The following LSAMP variants were observed in gnomAD, a reference collection of about 807,000 sequenced individuals.
LSAMP encodes the protein limbic system-associated membrane protein.
LSAMP carries 7 observed loss-of-function variants against 38.6 expected under a neutral mutation model. That is an observed-to-expected ratio of 0.18 (90% CI 0.10 to 0.34). The LOEUF (loss-of-function observed/expected upper bound fraction) is 0.34, where lower values mean the gene tolerates loss of function less well. Ranked by LOEUF, LSAMP falls within the 10% of genes least tolerant of loss-of-function variation. The pLI, the probability that LSAMP is intolerant of heterozygous loss-of-function variation, is 1.00. For synonymous variants in LSAMP, 154 were observed against 166.8 expected, an observed-to-expected ratio of 0.92 and a Z score of 0.59; for missense variants, 313 against 420.0, an observed-to-expected ratio of 0.75 and a Z score of 2.23.
intron 1 of LSAMP, among the ~76,000 whole-genome samples, chr3:116,444,294 T>C (rs1305974782): frequency 6.6e-6 from 1 of 151,864 alleles, no homozygotes; most frequent in African/African-American, 2.4e-5. Context: ...CCATGTCAAT[T>C]AGAAGATCCT....
chr3:116,230,839 T>C (rs899224643), intron 1 of LSAMP, among the ~76,000 whole-genome samples: 1 of 152,014 alleles, frequency 6.6e-6, no homozygotes, highest in South Asian at 2.1e-4. Flanking sequence ...TAAAAATTAA[T>C]TAAAATGAGA....
intron 1 of LSAMP, among the ~76,000 whole-genome samples, chr3:116,087,703 C>T (rs145979159): frequency 2.8e-4 from 42 of 152,136 alleles, no homozygotes; most frequent in Middle Eastern, 6.8e-3. Context: ...TATCTCAGGT[C>T]AAAACAACTA....
In LSAMP at chr3:115,808,217, CCAGTTA is replaced by C. The variant is rs960914079; in HGVS notation, c.*2094_*2099del. The C allele has an allele frequency of 6.9e-6, 1 of 144,396 alleles. No homozygotes were observed. Among genetic ancestry groups the C allele is most frequent in the African/African-American group, 2.6e-5 (1 of 39,078 alleles). The allele number at this position is 144,396 out of a possible 1,614,324, so 8.9% of individuals were successfully genotyped here. ...CCTTCCTTCTTTCCTTTCTTTTTTT[CCAGTTA>C]CAAAGTTTCTCATTTTATAACATGG... On this transcript the variant is annotated 3_prime_UTR_variant, in exon 7 of 7. Transcript: ENST00000490035.
At chr3:116,287,079 T>C (rs1034941700) in intron 1 of LSAMP, among the ~76,000 whole-genome samples, 2 of 152,246 alleles carry the variant, frequency 1.3e-5, no homozygotes, top group East Asian at 3.9e-4. Flanking sequence ...TGGATGAAGT[T>C]GGTAGCGCTT....
chr3:116,031,038 A>T (rs914604295), intron 2 of LSAMP, among the ~76,000 whole-genome samples: 1 of 152,168 alleles, frequency 6.6e-6, no homozygotes, highest in Non-Finnish European at 1.5e-5. Flanking sequence ...GAAAAAATTG[A>T]ATGTGAGGAA....
intron 1 of LSAMP, among the ~76,000 whole-genome samples, chr3:116,170,488 T>G (rs1279149451): frequency 1.3e-5 from 2 of 152,216 alleles, no homozygotes; most frequent in Non-Finnish European, 2.9e-5. Flanking sequence ...ATTATGAGAT[T>G]ATGTTTATAA....
chr3:116,445,379 C>G lies in LSAMP; in HGVS notation c.-348G>C. 1 of 489,156 alleles carries G rather than the reference C, an allele frequency of 2.0e-6. No homozygotes were observed. The highest frequency in any genetic ancestry group is 3.6e-6 in the Non-Finnish European group (1 of 281,030). 30.3% of individuals were successfully genotyped at this position (489,156 alleles called of 1,614,324 possible). A position where few individuals can be genotyped will look rare whatever the true frequency, so the allele number is the denominator to read the frequency against. ...TGACTGGATGCTCCTCTGCCAGTGT[C>G]TGAGCTGAGCTCCTTCGCTCTGTAA... On this transcript the variant is annotated 5_prime_UTR_variant, in exon 1 of 7. Coordinates refer to ENST00000490035, the MANE Select transcript of LSAMP (RefSeq NM_002338.5).
At chr3:116,021,844 C>A (rs377306739) in intron 2 of LSAMP, among the ~76,000 whole-genome samples, 3 of 151,170 alleles carry the variant, frequency 2.0e-5, no homozygotes, top group Non-Finnish European at 2.9e-5. Flanking sequence ...GGAGATAGAG[C>A]GAAGACTTTG....
chr3:116,280,314 T>G (rs564541350), intron 1 of LSAMP, among the ~76,000 whole-genome samples: 5 of 152,322 alleles, frequency 3.3e-5, no homozygotes, highest in African/African-American at 1.2e-4. Flanking sequence ...ATGAAGCGTC[T>G]CAGGATCACA....
intron 1 of LSAMP, among the ~76,000 whole-genome samples, chr3:116,358,137 T>C (rs866144509): frequency 2.6e-5 from 4 of 152,144 alleles, no homozygotes; most frequent in African/African-American, 9.7e-5. Context: ...TAGAGAATGC[T>C]TCATGGTTGA....
chr3:116,209,602 G>T (rs111268196), intron 1 of LSAMP, among the ~76,000 whole-genome samples: 1 of 152,168 alleles, frequency 6.6e-6, no homozygotes, highest in African/African-American at 2.4e-5. Flanking sequence ...TGTGTGAAGA[G>T]TAAGAGGGGG....
intron 3 of LSAMP, among the ~76,000 whole-genome samples, chr3:116,001,992 T>A (rs1487873695): frequency 1.3e-5 from 2 of 152,218 alleles, no homozygotes; most frequent in Non-Finnish European, 2.9e-5. Flanking sequence ...AACGAACTTT[T>A]CATCACAATG....
intron 2 of LSAMP, among the ~76,000 whole-genome samples, chr3:116,041,816 CA>C (rs1405272484): frequency 4.8e-5 from 7 of 144,640 alleles, no homozygotes; most frequent in Admixed American, 2.1e-4. Flanking sequence ...CAAAACAAAA[CA>C]AAAAAAAAAC....
At chr3:116,368,903 T>C (rs563702662) in intron 1 of LSAMP, among the ~76,000 whole-genome samples, 1 of 152,230 alleles carries the variant, frequency 6.6e-6, no homozygotes, top group African/African-American at 2.4e-5. Context: ...GGCTAAGAAG[T>C]TAGAATTTTA....
intron 3 of LSAMP, among the ~76,000 whole-genome samples, chr3:115,978,965 T>A (rs1229756102): frequency 5.9e-5 from 9 of 151,914 alleles, no homozygotes; most frequent in Non-Finnish European, 1.0e-4. Context: ...ACTAAAGGAA[T>A]AAGAAATTTA....
intron 6 of LSAMP, among the ~76,000 whole-genome samples, chr3:115,835,745 C>T (rs1411077870): frequency 6.6e-6 from 1 of 152,170 alleles, no homozygotes; most frequent in African/African-American, 2.4e-5. Flanking sequence ...AAAACTCAGT[C>T]TCCTTGCAGA....
chr3:115,955,419 T>G (rs7634181), intron 3 of LSAMP, among the ~76,000 whole-genome samples: 1 of 152,008 alleles, frequency 6.6e-6, no homozygotes, highest in Non-Finnish European at 1.5e-5. Context: ...TCACTTCTCA[T>G]GAAAATAGTT....
intron 2 of LSAMP, among the ~76,000 whole-genome samples, chr3:116,069,578 A>G (rs1024058877): frequency 2.0e-5 from 3 of 152,150 alleles, no homozygotes; most frequent in Admixed American, 6.5e-5. Context: ...AAATGTGGGA[A>G]AGAGGTAATG....
chr3:116,237,477 G>A (rs1263454516), intron 1 of LSAMP, among the ~76,000 whole-genome samples: 1 of 152,160 alleles, frequency 6.6e-6, no homozygotes, highest in Non-Finnish European at 1.5e-5. Context: ...TACATTCAAG[G>A]TAAGAAGTAT....
Sources: gnomAD v4.1 joint callset for allele counts (sites outside exome capture counted in the v4.1 genomes callset) on GRCh38, gnomAD v4.1.1 for gene constraint, MANE v1.5 for transcripts, NCBI Gene and HGNC (gene_info 2026-07-23, HGNC 2026-07-21) for gene names.